Variants in SLX4IP observed in about 807,000 individuals in gnomAD.
SLX4IP encodes SLX4 interacting protein, also known as protein SLX4IP.
A neutral mutation model predicts 32.9 loss-of-function variants in SLX4IP; 34 were observed. The observed-to-expected ratio is 1.03, with a 90% CI of 0.79 to 1.38. SLX4IP has a LOEUF of 1.38. Among genes scored for constraint, SLX4IP ranks in the 40% most tolerant of loss-of-function variants. SLX4IP has a pLI of 0.00. For missense variants in SLX4IP, 444 were observed against 479.0 expected (o/e 0.93, Z 0.68); for synonymous variants, 172 against 171.7 (o/e 1.00, Z -0.01).
At chr20:10,594,473 T>C (rs2066747088) in intron 4 of SLX4IP, among the ~76,000 whole-genome samples, 1 of 152,188 alleles carries the variant, frequency 6.6e-6, no homozygotes, top group African/African-American at 2.4e-5. Flanking sequence ...TTCCCACTGT[T>C]ACGCACCAGA....
Position 10,493,859 on chromosome 20 carries a change from C to CTTTTTTTTTTTTTTTT in SLX4IP, c.27+35635_27+35650dup, listed in dbSNP as rs58299545. On this transcript the variant is annotated intron_variant, in intron 2 of 7. Coordinates refer to ENST00000334534, the MANE Select transcript of SLX4IP (RefSeq NM_001009608.3). ...ACTGAAGTGTTTTTTTTATAGTTGC[C>CTTTTTTTTTTTTTTTT]TTTTTTTTTTTTTTTTTTTTTTGAG... 8.5e-5 allele frequency among the ~76,000 whole-genome samples: 6 copies of CTTTTTTTTTTTTTTTT among 70,544 alleles called. 1 individual carries two copies. The highest frequency in any genetic ancestry group is 1.7e-4 in the African/African-American group (3 of 17,324). 46.3% of individuals were successfully genotyped at this position (70,544 alleles called of 152,430 possible).
intron 4 of SLX4IP, among the ~76,000 whole-genome samples, chr20:10,577,391 T>C (rs1354830994): frequency 1.4e-4 from 22 of 152,150 alleles, no homozygotes; most frequent in Admixed American, 1.4e-3. Flanking sequence ...TTAGGAAGGC[T>C]GTAGTACTAT....
intron 1 of SLX4IP, among the ~76,000 whole-genome samples, chr20:10,457,549 G>T (rs1295446722): frequency 6.6e-6 from 1 of 151,166 alleles, no homozygotes; most frequent in East Asian, 1.9e-4. Flanking sequence ...TGCATTCTTG[G>T]GCTACATCCA....
chr20:10,495,251 CCTTA>C (rs994966007), intron 2 of SLX4IP, among the ~76,000 whole-genome samples: 1 of 151,990 alleles, frequency 6.6e-6, no homozygotes, highest in African/African-American at 2.4e-5. Context: ...GTCATTTTCT[CCTTA>C]CTGTCTGATT....
intron 2 of SLX4IP, among the ~76,000 whole-genome samples, chr20:10,528,686 A>G (rs1827297722): frequency 6.6e-6 from 1 of 152,350 alleles, no homozygotes; most frequent in Admixed American, 6.5e-5. Context: ...AGGAGGGCCT[A>G]GACTTGTCAG....
At chr20:10,439,531 A>G (rs1376354795) in intron 1 of SLX4IP, among the ~76,000 whole-genome samples, 2 of 152,208 alleles carry the variant, frequency 1.3e-5, no homozygotes, top group East Asian at 3.8e-4. Context: ...TTAGAAGTTT[A>G]ATTATTTGGT....
At chr20:10,614,052 G>A in intron 6 of SLX4IP, 12 of 1,510,986 alleles carry the variant, frequency 7.9e-6, no homozygotes, top group Non-Finnish European at 1.0e-5. Context: ...GAAGCAGCGG[G>A]TGGCGTCCTC....
chr20:10,473,155 C>T (rs1043081388), intron 2 of SLX4IP, among the ~76,000 whole-genome samples: 2 of 152,338 alleles, frequency 1.3e-5, no homozygotes, highest in African/African-American at 4.8e-5. Context: ...GGCCAGCATT[C>T]GGTCTGGCTG....
chr20:10,611,047 A>G (rs1410865096), intron 6 of SLX4IP, among the ~76,000 whole-genome samples: 1 of 152,216 alleles, frequency 6.6e-6, no homozygotes, highest in African/African-American at 2.4e-5. Context: ...CACATCGCTG[A>G]TGCTCCTGAA....
chr20:10,572,972 A>G (rs1853513670), intron 4 of SLX4IP, among the ~76,000 whole-genome samples: 1 of 152,234 alleles, frequency 6.6e-6, no homozygotes, highest in Admixed American at 6.5e-5. Context: ...AAAGAAAAAG[A>G]CAAGAATTGC....
chr20:10,525,445 A>G (rs1015852419), intron 2 of SLX4IP, among the ~76,000 whole-genome samples: 2 of 152,160 alleles, frequency 1.3e-5, no homozygotes, highest in African/African-American at 2.4e-5. Flanking sequence ...TTGTATTACA[A>G]TGTTGAGTTA....
At position 10,626,902 on chromosome 20, in the gene SLX4IP, C is replaced by G. The variant is rs2067178750; in HGVS notation, c.*3523C>G. The G allele has an allele frequency of 6.6e-6, 1 of 152,088 alleles. No individual in the cohort carries two copies. Among genetic ancestry groups the G allele is most frequent in the African/African-American group, 2.4e-5 (1 of 41,404 alleles). 9.4% of individuals were successfully genotyped at this position (152,088 alleles called of 1,614,324 possible). On this transcript the variant is annotated 3_prime_UTR_variant, in exon 8 of 8. Coordinates refer to ENST00000334534, the MANE Select transcript of SLX4IP (RefSeq NM_001009608.3). ...GTATCTCAAGATATATCTTGGGGAC[C>G]ACAATGGGATCACAGTGTAATTGTT...
intron 1 of SLX4IP, among the ~76,000 whole-genome samples, chr20:10,447,138 CCA>C (rs1248428834): frequency 2.0e-5 from 3 of 152,116 alleles, no homozygotes; most frequent in Non-Finnish European, 4.4e-5. Context: ...AGTTGTTTGA[CCA>C]CAGTTTATTG....
In SLX4IP at chr20:10,623,085, T is replaced by G. The variant is rs1286980571; in HGVS notation, c.933T>G (p.Val311=). 6.2e-7 allele frequency: 1 copy of G among 1,614,090 alleles called. No homozygotes were observed. The highest frequency in any genetic ancestry group is 2.2e-5 in the East Asian group (1 of 44,872). The change falls in exon 8 of 8, where the codon GTT becomes GTG. Residue 311 remains valine (V), a synonymous_variant. Transcript: ENST00000334534. ...SAEDFDHHGR[V]SLGSDRLVPR... The stretch of plus-strand genomic sequence containing the variant: ...AAGACTTCGACCACCACGGGAGAGT[T>G]TCTCTTGGAAGTGATCGATTAGTCC...
chr20:10,473,370 A>G (rs548299097), intron 2 of SLX4IP, among the ~76,000 whole-genome samples: 51 of 152,214 alleles, frequency 3.4e-4, no homozygotes, highest in Non-Finnish European at 6.6e-4. Context: ...AGTATCTCCC[A>G]CAGTCATTGC....
At chr20:10,486,231 C>CA (rs1455805124) in intron 2 of SLX4IP, among the ~76,000 whole-genome samples, 2 of 146,602 alleles carry the variant, frequency 1.4e-5, no homozygotes, top group African/African-American at 5.1e-5. Context: ...CACAGTCTTG[C>CA]AAAAAATTGT....
chr20:10,614,082 C>T lies in SLX4IP; in HGVS notation c.406-7232C>T, dbSNP rs904902692. 119 of 1,543,268 alleles carry T rather than the reference C, an allele frequency of 7.7e-5. 2 individuals carry two copies. The South Asian group carries it at 8.8e-4, about 11-fold the overall frequency. On this transcript the variant is annotated intron_variant, in intron 6 of 7. Transcript: ENST00000334534. ...GTCCTCCTTGTCGCCCTCGCCCACCCGGTCCAGGTGTACCTGCAGGGACAC... is the reference window on the plus strand; with the variant it reads ...GTCCTCCTTGTCGCCCTCGCCCACCTGGTCCAGGTGTACCTGCAGGGACAC...
intron 2 of SLX4IP, among the ~76,000 whole-genome samples, chr20:10,498,787 A>T (rs181299415): frequency 1.3e-5 from 2 of 151,388 alleles, no homozygotes; most frequent in Admixed American, 1.3e-4. Flanking sequence ...CAGATTTTTA[A>T]TATCCATATT....
At chr20:10,474,513 T>C (rs225148) in intron 2 of SLX4IP, among the ~76,000 whole-genome samples, 19,841 of 152,094 alleles carry the variant, frequency 0.13, 2,706 homozygotes, top group African/African-American at 0.35. Context: ...CCTTCTTTAC[T>C]TTAGGTATTG....
Sources: gnomAD v4.1 joint callset for allele counts (sites outside exome capture counted in the v4.1 genomes callset) on GRCh38, gnomAD v4.1.1 for gene constraint, MANE v1.5 for transcripts, NCBI Gene and HGNC (gene_info 2026-07-23, HGNC 2026-07-21) for gene names.